Variants in PLAGL1 observed in about 807,000 individuals in gnomAD.
PLAGL1 encodes zinc finger protein PLAGL1.
PLAGL1 carries 1 observed loss-of-function variant against 4.6 expected under a neutral mutation model. The ratio of observed to expected loss-of-function variants is 0.22; its 90% CI spans 0.08 to 1.03. PLAGL1 has a LOEUF of 1.03. Ranked by LOEUF, PLAGL1 falls within the 50% of genes least tolerant of loss-of-function variation. The pLI is 0.58. For missense variants in PLAGL1, 464 were observed against 570.4 expected (o/e 0.81, Z 1.90); for synonymous variants, 240 against 237.8 (o/e 1.01, Z -0.08).
intron 2 of PLAGL1, among the ~76,000 whole-genome samples, chr6:143,980,842 C>A (rs929918552): frequency 3.9e-5 from 6 of 152,178 alleles, no homozygotes; most frequent in Non-Finnish European, 8.8e-5. Flanking sequence ...TTCTGGGATA[C>A]AGTTAAGCTA....
intron 2 of PLAGL1, among the ~76,000 whole-genome samples, chr6:143,977,513 G>T (rs1377690889): frequency 9.2e-6 from 1 of 108,646 alleles, no homozygotes; most frequent in African/African-American, 3.6e-5. Context: ...TGGCTCAATC[G>T]CCCAGACTGG....
chr6:144,054,792 TG>T (rs1798841005), intron 1 of PLAGL1, among the ~76,000 whole-genome samples: 2 of 150,614 alleles, frequency 1.3e-5, no homozygotes, highest in African/African-American at 4.9e-5. Flanking sequence ...TGTGTGTGTG[TG>T]TGTGTGTGTG....
chr6:143,943,651 G>A (rs755306222), intron 7 of PLAGL1, among the ~76,000 whole-genome samples: 1 of 151,752 alleles, frequency 6.6e-6, no homozygotes, highest in Non-Finnish European at 1.5e-5. Context: ...ACTTCTTAAA[G>A]GTCACTGGTA....
At chr6:144,008,846 C>T (rs1270549404), upstream of PLAGL1, 1 of 152,266 alleles carries the variant, frequency 6.6e-6, no homozygotes, top group Non-Finnish European at 1.5e-5. This position sits in a 1 kb window ranked among gnomAD's most constrained non-coding sequence, Gnocchi z 6.9. Flanking sequence ...CACAGCAACA[C>T]TGGGAGAAAT....
At position 144,063,174 on chromosome 6, in the gene PLAGL1, A is replaced by G. The variant is rs570678909; in HGVS notation, c.-151+1294T>C. On this transcript the variant is annotated intron_variant, in intron 1 of 3. Coordinates refer to the PLAGL1 transcript ENST00000437412. The surrounding 1 kb of genome is among the most constrained non-coding windows in gnomAD (Gnocchi z 5.7). ...ACTTGCAGAACCAAAGAATGAATTT[A>G]TTTGTTGCAACCTGCACCGGAACTT... 4.6e-5 allele frequency among the ~76,000 whole-genome samples: 7 copies of G among 152,302 alleles called. No individual in the cohort carries two copies. In the East Asian group the frequency reaches 9.6e-4, roughly 21 times the overall value.
rs1788854143 is a variant in PLAGL1, at chr6:143,985,655, C to G, written c.-583-481G>C. On this transcript the variant is annotated intron_variant, in intron 1 of 7. Transcript: ENST00000674357. This position sits in a 1 kb window ranked among gnomAD's most constrained non-coding sequence, Gnocchi z 4.4. ...ACTACTACTACTACTTCCTATATGT[C>G]AAATCTTGAATGAATACTTTTAGTT... Among the ~76,000 whole-genome samples, 1 of 151,814 alleles carries G rather than the reference C, an allele frequency of 6.6e-6. No individual in the cohort carries two copies. Among genetic ancestry groups the G allele is most frequent in the South Asian group, 2.1e-4 (1 of 4,818 alleles).
chr6:143,974,256 C>T (rs1786001043), intron 2 of PLAGL1, among the ~76,000 whole-genome samples: 1 of 152,070 alleles, frequency 6.6e-6, no homozygotes, highest in African/African-American at 2.4e-5. Flanking sequence ...ACATGGGAAT[C>T]GATGGGTTAA....
At chr6:143,980,926 T>C (rs867802524) in intron 2 of PLAGL1, among the ~76,000 whole-genome samples, 1 of 152,226 alleles carries the variant, frequency 6.6e-6, no homozygotes, top group Admixed American at 6.5e-5. Context: ...CCACTGCCTA[T>C]TTCTATAAAT....
At position 143,949,548 on chromosome 6, in the gene PLAGL1, G is replaced by A. The variant is rs908183990; in HGVS notation, c.-324-1088C>T. ...GCAGGTTTCAAATCGGCCTCTACCT[G>A]CCACTACCTGCCAGGGTAAAGCCCT... On this transcript the variant is annotated intron_variant, in intron 6 of 7. Coordinates refer to ENST00000674357, the MANE Select transcript of PLAGL1 (RefSeq NM_001317162.2). The surrounding 1 kb of genome is among the most constrained non-coding windows in gnomAD (Gnocchi z 5.3). Among the ~76,000 whole-genome samples the A allele has an allele frequency of 6.6e-6, 1 of 152,174 alleles. No individual in the cohort carries two copies. The highest frequency in any genetic ancestry group is 1.5e-5 in the Non-Finnish European group (1 of 68,048).
chr6:143,981,618 G>A (rs116710259), intron 2 of PLAGL1, among the ~76,000 whole-genome samples: 4,440 of 152,072 alleles, frequency 0.029, 199 homozygotes, highest in African/African-American at 0.091. Context: ...GTCCAATGTC[G>A]GAATGCCTTT....
chr6:143,981,307 C>G, intron 2 of PLAGL1, among the ~76,000 whole-genome samples: 1 of 152,158 alleles, frequency 6.6e-6, no homozygotes, highest in Non-Finnish European at 1.5e-5. Context: ...CTACTTTCTT[C>G]TTCCCAGTGC....
Position 143,985,897 on chromosome 6 carries a change from ATGTGTGTGTGTG to A in PLAGL1, c.-583-735_-583-724del, listed in dbSNP as rs55710387. Among the ~76,000 whole-genome samples the A allele has an allele frequency of 7.1e-6, 1 of 140,042 alleles. No individual in the cohort carries two copies. The highest frequency in any genetic ancestry group is 1.5e-5 in the Non-Finnish European group (1 of 65,254). The allele number at this position is 140,042 out of a possible 152,430, so 91.9% of individuals were successfully genotyped here. A position where few individuals can be genotyped will look rare whatever the true frequency, so the allele number is the denominator to read the frequency against. ...GCCAAGCTACATATTATATATTATT[ATGTGTGTGTGTG>A]TGTGTGTGTATACACACACATATAT... On this transcript the variant is annotated intron_variant, in intron 1 of 7. Coordinates refer to ENST00000674357, the MANE Select transcript of PLAGL1 (RefSeq NM_001317162.2). This position sits in a 1 kb window ranked among gnomAD's most constrained non-coding sequence, Gnocchi z 4.4.
intron 1 of PLAGL1, among the ~76,000 whole-genome samples, chr6:143,999,005 T>C (rs1372897023): frequency 6.6e-6 from 1 of 152,070 alleles, no homozygotes; most frequent in East Asian, 1.9e-4. Context: ...CTAAAGGACT[T>C]TTTCAGGGAA....
intron 2 of PLAGL1, among the ~76,000 whole-genome samples, chr6:143,977,090 C>T (rs77314802): frequency 0.12 from 17,572 of 148,204 alleles, 1,359 homozygotes; most frequent in Non-Finnish European, 0.16. Flanking sequence ...CCTTCCCCCC[C>T]CCCAACACAC....
chr6:144,040,612 C>T (rs1459895272), intron 1 of PLAGL1, among the ~76,000 whole-genome samples: 3 of 152,078 alleles, frequency 2.0e-5, no homozygotes, highest in Non-Finnish European at 2.9e-5. Context: ...CACAGTGGCT[C>T]ACACCTGTAA....
intron 1 of PLAGL1, among the ~76,000 whole-genome samples, chr6:144,060,054 C>CCTTTTTTTTTTT: frequency 6.6e-6 from 1 of 151,426 alleles, no homozygotes; most frequent in African/African-American, 2.4e-5. Flanking sequence ...TGTGCCACAC[C>CCTTTTTTTTTTT]ATTTTTTTTT....
chr6:144,053,466 A>G lies in PLAGL1; in HGVS notation c.-151+11002T>C, dbSNP rs914572576. ...TCATTAATTCTTGAGTAGTTCATTC[A>G]AGTATAACATCTTGCTACCACCTAT... is the stretch of plus-strand genomic sequence containing the variant. On this transcript the variant is annotated intron_variant, in intron 1 of 3. Coordinates refer to the PLAGL1 transcript ENST00000437412. This position sits in a 1 kb window ranked among gnomAD's most constrained non-coding sequence, Gnocchi z 4.0. 2.0e-5 allele frequency among the ~76,000 whole-genome samples: 3 copies of G among 152,194 alleles called. No individual in the cohort carries two copies. The highest frequency in any genetic ancestry group is 7.2e-5 in the African/African-American group (3 of 41,452).
In PLAGL1 at chr6:144,034,163, C is replaced by T. The variant is rs1023099203; in HGVS notation, c.-151+30305G>A. Among the ~76,000 whole-genome samples the T allele has an allele frequency of 1.5e-4, 23 of 152,174 alleles. No individual in the cohort carries two copies. Among genetic ancestry groups the T allele is most frequent in the African/African-American group, 5.3e-4 (22 of 41,442 alleles). On this transcript the variant is annotated intron_variant, in intron 1 of 3. Coordinates refer to the PLAGL1 transcript ENST00000437412. This position sits in a 1 kb window ranked among gnomAD's most constrained non-coding sequence, Gnocchi z 4.7. ...AATGACCTGTGTTTACATGTAAAAC[C>T]ACGTTGTTGGAGGAGGGGGTGCCCC...
Position 144,013,677 on chromosome 6 carries a change from GCTTCCTTGGCTTGCGGCCA to G in PLAGL1, c.-150-44718_-150-44700del, listed in dbSNP as rs1467802053. Among the ~76,000 whole-genome samples the G allele has an allele frequency of 2.6e-5, 4 of 152,186 alleles. No individual in the cohort carries two copies. The highest frequency in any genetic ancestry group is 4.4e-5 in the Non-Finnish European group (3 of 68,030). The stretch of plus-strand genomic sequence containing the variant: ...CCACTGCCATTCCCTGGCTTCCTCG[GCTTCCTTGGCTTGCGGCCA>G]CAGCATGCCAATCTCTGCCTCCATC... On this transcript the variant is annotated intron_variant, in intron 1 of 3. Coordinates refer to the PLAGL1 transcript ENST00000437412. The surrounding 1 kb of genome is among the most constrained non-coding windows in gnomAD (Gnocchi z 4.4).
Sources: gnomAD v4.1 joint callset for allele counts (sites outside exome capture counted in the v4.1 genomes callset) on GRCh38, gnomAD v4.1.1 for gene constraint, Gnocchi (gnomAD v3.1) non-coding constraint, MANE v1.5 for transcripts, NCBI Gene and HGNC (gene_info 2026-07-23, HGNC 2026-07-21) for gene names.